Variants in DOCK4 observed in about 807,000 individuals in gnomAD.
DOCK4 encodes dedicator of cytokinesis 4, also known as dedicator of cytokinesis protein 4.
A neutral mutation model predicts 268.1 loss-of-function variants in DOCK4; 97 were observed. The observed-to-expected ratio is 0.36, with a 90% CI of 0.31 to 0.43. The LOEUF (loss-of-function observed/expected upper bound fraction) is 0.43. DOCK4 is among the 20% of genes least tolerant of loss of function. The pLI, the probability that DOCK4 is intolerant of heterozygous loss-of-function variation, is 1.00. For missense variants in DOCK4, 2,145 were observed against 2,455.7 expected, an observed-to-expected ratio of 0.87 and a Z score of 2.67; for synonymous variants, 954 against 887.2, an observed-to-expected ratio of 1.08 and a Z score of -1.34.
At chr7:111,933,092 ATATACACATATATATACG>A (rs1794339072) in intron 12 of DOCK4, among the ~76,000 whole-genome samples, 17 of 143,800 alleles carry the variant, frequency 1.2e-4, no homozygotes, top group African/African-American at 4.4e-4. Context: ...ATATATACGT[ATATACACATATATATACG>A]TATATACACA....
chr7:111,954,147 A>C (rs1796273892), intron 8 of DOCK4, among the ~76,000 whole-genome samples: 1 of 152,100 alleles, frequency 6.6e-6, no homozygotes, highest in African/African-American at 2.4e-5. Context: ...AGAATGTATG[A>C]GTGTTAAAGA....
Position 111,737,056 on chromosome 7 carries a change from A to AGACG in DOCK4, c.5233-71_5233-68dup, listed in dbSNP as rs1457548104. 8 of 1,393,946 alleles carry AGACG rather than the reference A, an allele frequency of 5.7e-6. No homozygotes were observed. In the East Asian group the frequency reaches 2.0e-4, roughly 34 times the overall value. 86.3% of individuals were successfully genotyped at this position (1,393,946 alleles called of 1,614,324 possible). On this transcript the variant is annotated intron_variant, in intron 49 of 52. Coordinates refer to ENST00000428084, the MANE Select transcript of DOCK4 (RefSeq NM_001363540.2). ...GGCATGTGAAACCTTTCAGAAAATG[A>AGACG]GACGATTATCTCCTCAGTAAAACTT... is the stretch of plus-strand genomic sequence containing the variant.
chr7:111,783,020 A>C, intron 34 of DOCK4, 96 bp from the exon 35 acceptor site: 90 of 783,812 alleles, frequency 1.1e-4, no homozygotes, highest in East Asian at 3.7e-4. Context: ...GAAAGAAAGA[A>C]AAAAAAAAAA....
Position 111,728,536 on chromosome 7 carries a change from A to C in DOCK4, c.5666T>G (p.Val1889Gly). ...NEQSAPLPVP[V>G]PVPVPSYGGE... Reference sequence around the variant, plus strand: ...GCCGTAGCTCGGCACGGGCACCGGCACTGGCACCGGCAGGGGGGCCGACTG... The same window carrying C: ...GCCGTAGCTCGGCACGGGCACCGGCCCTGGCACCGGCAGGGGGGCCGACTG... Residue 1889 changes from valine to glycine, a missense_variant, in exon 53 of 53, where the codon GTG becomes GGG. Val to Gly is a moderately radical substitution (Grantham distance 109). Transcript: ENST00000428084. The C allele has an allele frequency of 6.2e-7, 1 of 1,613,732 alleles. No individual in the cohort carries two copies. The highest frequency in any genetic ancestry group is 8.5e-7 in the Non-Finnish European group (1 of 1,179,808).
chr7:112,023,890 A>C (rs1386574614), intron 1 of DOCK4, among the ~76,000 whole-genome samples: 1 of 152,258 alleles, frequency 6.6e-6, no homozygotes, highest in Non-Finnish European at 1.5e-5. Flanking sequence ...AAAAAATAAA[A>C]TAAAACTTTG....
chr7:112,180,976 T>C (rs1818978291), intron 1 of DOCK4, among the ~76,000 whole-genome samples: 1 of 152,358 alleles, frequency 6.6e-6, no homozygotes, highest in South Asian at 2.1e-4. Context: ...GAGGTAGTAG[T>C]TGCAGAATGG....
At chr7:112,157,071 T>C (rs1165779039) in intron 1 of DOCK4, among the ~76,000 whole-genome samples, 5 of 152,168 alleles carry the variant, frequency 3.3e-5, no homozygotes, top group Admixed American at 3.3e-4. Context: ...TTTTCCTATC[T>C]TCCTAGATTT....
intron 1 of DOCK4, among the ~76,000 whole-genome samples, chr7:112,112,514 G>A (rs1035155328): frequency 6.6e-6 from 1 of 152,004 alleles, no homozygotes; most frequent in Admixed American, 6.6e-5. Context: ...TGTGGTGGTG[G>A]GCACCTGTAG....
chr7:111,916,698 G>A (rs1792613344), intron 12 of DOCK4, among the ~76,000 whole-genome samples: 1 of 152,116 alleles, frequency 6.6e-6, no homozygotes, highest in South Asian at 2.1e-4. Context: ...ATATCATTGT[G>A]AATATGTCTG....
At chr7:111,787,208 ATAAT>A (rs1481489669) in intron 32 of DOCK4, among the ~76,000 whole-genome samples, 17 of 152,204 alleles carry the variant, frequency 1.1e-4, no homozygotes, top group Non-Finnish European at 2.9e-5. Flanking sequence ...TTTGTTATAA[ATAAT>A]TAATCACAAA....
Position 111,872,542 on chromosome 7 carries a change from T to G in DOCK4, c.1767A>C (p.Lys589Asn), listed in dbSNP as rs529598325. ...TQNGDMLDLL[K>N]WRTHPDKITG... ...TGATCTTGTCTGGGTGGGTTCTCCA[T>G]TTCAAAAGATCAAGCATATCACCTT... Residue 589 changes from lysine (K) to asparagine (N), a missense_variant, in exon 18 of 53, where the codon AAA becomes AAC. Around this residue, in one of 2 missense-constraint regions of DOCK4, gnomAD observed 1,598 missense variants for 1,986.7 expected, o/e 0.80. Coordinates refer to ENST00000428084, the MANE Select transcript of DOCK4 (RefSeq NM_001363540.2). 3.1e-6 allele frequency: 5 copies of G among 1,598,904 alleles called. No homozygotes were observed. The highest frequency in any genetic ancestry group is 3.4e-6 in the Non-Finnish European group (4 of 1,171,994).
chr7:111,738,103 C>T (rs1452972753), intron 49 of DOCK4, among the ~76,000 whole-genome samples: 1 of 152,148 alleles, frequency 6.6e-6, no homozygotes, highest in Non-Finnish European at 1.5e-5. Flanking sequence ...CTAAACTATT[C>T]CCAAATCTTT....
intron 1 of DOCK4, among the ~76,000 whole-genome samples, chr7:112,024,749 T>G (rs254868): frequency 0.24 from 36,116 of 152,072 alleles, 4,618 homozygotes; most frequent in Middle Eastern, 0.33. Context: ...GTCATACCTC[T>G]GCTCAAAATA....
At chr7:112,144,310 G>C (rs1563128156) in intron 1 of DOCK4, among the ~76,000 whole-genome samples, 2 of 152,174 alleles carry the variant, frequency 1.3e-5, no homozygotes, top group Non-Finnish European at 2.9e-5. Flanking sequence ...TTCAGTAAAT[G>C]TTGGTTAAAG....
rs115049927 is a variant in DOCK4, at chr7:112,045,264, A to G, written c.38-41133T>C. On this transcript the variant is annotated intron_variant, in intron 1 of 52. Coordinates refer to ENST00000428084, the MANE Select transcript of DOCK4 (RefSeq NM_001363540.2). ...GATATTTGAGTGACTTATCCTCTCA[A>G]TTTCTTTAAGGTCTTGGCTCAAATG... Among the ~76,000 whole-genome samples, 394 of 152,226 alleles carry G rather than the reference A, an allele frequency of 2.6e-3. 2 individuals carry two copies. The highest frequency in any genetic ancestry group is 9.0e-3 in the African/African-American group (372 of 41,536).
chr7:111,778,305 T>C lies in DOCK4; in HGVS notation c.3650A>G (p.Asp1217Gly). The C allele has an allele frequency of 6.2e-7, 1 of 1,613,038 alleles. No individual in the cohort carries two copies. The highest frequency in any genetic ancestry group is 8.5e-7 in the Non-Finnish European group (1 of 1,179,234). ...MYIRYIHKLY[D>G]LHLKAQNFTE... is the part of the protein sequence containing the mutation. The stretch of plus-strand genomic sequence containing the variant: ...AAAGTTCTGTGCTTTGAGATGCAGA[T>C]CATAGAGTTTGTGAATGTAGCGTAT... The change falls in exon 36 of 53, where the codon GAT (aspartate) becomes GGT (glycine). Residue 1217 changes from aspartate to glycine, a missense_variant. By Grantham distance (94) the Asp-to-Gly change is moderately conservative. This residue lies in a region of DOCK4 where 1,598 missense variants were observed against 1,986.7 expected (regional missense o/e 0.80). Transcript: ENST00000428084.
intron 8 of DOCK4, among the ~76,000 whole-genome samples, chr7:111,959,459 G>C (rs1165014888): frequency 3.9e-5 from 6 of 152,128 alleles, no homozygotes; most frequent in Non-Finnish European, 1.5e-5. Context: ...TAACAATATA[G>C]ATGCTGAACT....
chr7:112,047,741 G>A (rs1045117549), intron 1 of DOCK4, among the ~76,000 whole-genome samples: 1 of 152,190 alleles, frequency 6.6e-6, no homozygotes, highest in African/African-American at 2.4e-5. Context: ...TGCCCAGGCT[G>A]GAGGGCAATG....
intron 12 of DOCK4, among the ~76,000 whole-genome samples, chr7:111,918,629 T>C (rs1792828028): frequency 6.6e-6 from 1 of 152,196 alleles, no homozygotes; most frequent in Admixed American, 6.5e-5. Flanking sequence ...TACCCCCACC[T>C]AATCATGGGT....
Sources: gnomAD v4.1 joint callset for allele counts (sites outside exome capture counted in the v4.1 genomes callset) on GRCh38, gnomAD v4.1.1 for gene constraint, gnomAD v4.1.1 regional missense constraint, MANE v1.5 for transcripts, NCBI Gene and HGNC (gene_info 2026-07-23, HGNC 2026-07-21) for gene names.